SPOCK1: variants seen among roughly 807,000 people sequenced by gnomAD.
SPOCK1 encodes the protein SPARC (osteonectin), cwcv and kazal like domains proteoglycan 1, also known as testican-1.
A neutral mutation model predicts 55.3 loss-of-function variants in SPOCK1; 23 were observed. The ratio of observed to expected loss-of-function variants is 0.42; its 90% CI spans 0.30 to 0.59. SPOCK1 has a LOEUF of 0.59. Among genes scored for constraint, SPOCK1 ranks in the 20% least tolerant of loss-of-function variants. The pLI is 0.22. For missense variants in SPOCK1, 499 were observed against 552.5 expected (o/e 0.90, Z 0.97); for synonymous variants, 226 against 221.0 (o/e 1.02, Z -0.20).
intron 2 of SPOCK1, among the ~76,000 whole-genome samples, chr5:137,411,038 C>T (rs1277374268): frequency 6.6e-6 from 1 of 152,188 alleles, no homozygotes; most frequent in African/African-American, 2.4e-5. Context: ...CCAGTGGCAT[C>T]ATGGGTTCCA....
intron 3 of SPOCK1, among the ~76,000 whole-genome samples, chr5:137,242,073 T>G (rs1359108122): frequency 6.6e-6 from 1 of 152,158 alleles, no homozygotes; most frequent in Admixed American, 6.5e-5. Flanking sequence ...TATTTAACAC[T>G]AAAAAACCAT....
intron 9 of SPOCK1, among the ~76,000 whole-genome samples, chr5:136,982,710 A>G (rs1435561135): frequency 1.3e-5 from 2 of 151,884 alleles, no homozygotes; most frequent in East Asian, 3.9e-4. Flanking sequence ...CCATATAACT[A>G]TTTTTATTGG....
At chr5:137,065,765 T>C (rs1752496183) in intron 6 of SPOCK1, among the ~76,000 whole-genome samples, 1 of 152,238 alleles carries the variant, frequency 6.6e-6, no homozygotes, top group South Asian at 2.1e-4. Flanking sequence ...AAATGAAAGA[T>C]TTTTAAATGG....
At chr5:137,083,329 C>T (rs535606037) in intron 5 of SPOCK1, among the ~76,000 whole-genome samples, 7 of 152,302 alleles carry the variant, frequency 4.6e-5, no homozygotes, top group South Asian at 2.1e-4. Flanking sequence ...AGCAGAGTGG[C>T]GGAAGCAGAG....
At chr5:137,128,928 G>A (rs1753825661) in intron 4 of SPOCK1, among the ~76,000 whole-genome samples, 2 of 152,134 alleles carry the variant, frequency 1.3e-5, no homozygotes, top group Non-Finnish European at 2.9e-5. Context: ...AGCTCAATGA[G>A]GATATCGTTA....
intron 3 of SPOCK1, among the ~76,000 whole-genome samples, chr5:137,222,328 A>G (rs1162127385): frequency 6.6e-6 from 1 of 152,228 alleles, no homozygotes; most frequent in Admixed American, 6.5e-5. Context: ...TCTGTCACCA[A>G]ACAGTTCAGT....
At chr5:137,317,984 T>C (rs1014577074) in intron 2 of SPOCK1, among the ~76,000 whole-genome samples, 1 of 152,188 alleles carries the variant, frequency 6.6e-6, no homozygotes, top group African/African-American at 2.4e-5. Flanking sequence ...AACAAATACT[T>C]TTAATTTGAT....
chr5:137,005,158 A>G (rs17599641), intron 6 of SPOCK1, among the ~76,000 whole-genome samples: 5,028 of 152,286 alleles, frequency 0.033, 101 homozygotes, highest in Non-Finnish European at 0.047. Flanking sequence ...ATAGGACCAT[A>G]CAGAGGAGCC....
chr5:137,216,136 G>A (rs1391382646), intron 3 of SPOCK1, among the ~76,000 whole-genome samples: 1 of 152,190 alleles, frequency 6.6e-6, no homozygotes, highest in African/African-American at 2.4e-5. Flanking sequence ...GGGAAAGGGG[G>A]CACTGAGGTA....
chr5:137,166,509 CAG>C (rs1170883618), intron 3 of SPOCK1, among the ~76,000 whole-genome samples: 4 of 151,122 alleles, frequency 2.6e-5, no homozygotes, highest in Non-Finnish European at 5.9e-5. Context: ...GGTAAATATA[CAG>C]AAAAACACAG....
Position 136,988,555 on chromosome 5 carries a change from G to T in SPOCK1, c.795C>A (p.Asp265Glu). ...GGTAGATGGCATTGATCTCTGAAGG[G>T]TCAAGCAGGAGGTCATAGTTCATGT... ...KLDMNYDLLL[D>E]PSEINAIYLD... Residue 265 changes from aspartate to glutamate, a missense_variant, in exon 8 of 11, where the codon GAC becomes GAA. Asp to Glu is a conservative substitution (Grantham distance 45). Coordinates refer to ENST00000394945, the MANE Select transcript of SPOCK1 (RefSeq NM_004598.4). 3 of 1,614,142 alleles carry T rather than the reference G, an allele frequency of 1.9e-6. No individual in the cohort carries two copies. Among genetic ancestry groups the T allele is most frequent in the Non-Finnish European group, 2.5e-6 (3 of 1,180,010 alleles).
At chr5:137,135,282 C>T (rs551082466) in intron 4 of SPOCK1, among the ~76,000 whole-genome samples, 4 of 152,282 alleles carry the variant, frequency 2.6e-5, no homozygotes, top group African/African-American at 9.6e-5. Context: ...AATCAATGTT[C>T]AGCACTCTGT....
intron 2 of SPOCK1, among the ~76,000 whole-genome samples, chr5:137,315,474 T>C (rs1404561171): frequency 6.6e-6 from 1 of 152,200 alleles, no homozygotes; most frequent in Non-Finnish European, 1.5e-5. Flanking sequence ...TCCACTTTGA[T>C]ACATGAGAAG....
At chr5:137,111,092 C>G (rs1753461929) in intron 5 of SPOCK1, among the ~76,000 whole-genome samples, 2 of 152,100 alleles carry the variant, frequency 1.3e-5, no homozygotes, top group South Asian at 4.1e-4. Flanking sequence ...AAAGTGGTCA[C>G]AGCCTCTAAA....
At chr5:137,427,777 TG>T (rs1248840176) in intron 2 of SPOCK1, among the ~76,000 whole-genome samples, 1 of 151,740 alleles carries the variant, frequency 6.6e-6, no homozygotes, top group East Asian at 1.9e-4. Context: ...GGTGCTGTGG[TG>T]GGTGGCTGTA....
chr5:136,994,974 C>T (rs1689115577), intron 6 of SPOCK1, among the ~76,000 whole-genome samples: 1 of 151,978 alleles, frequency 6.6e-6, no homozygotes, highest in African/African-American at 2.4e-5. Flanking sequence ...CAGTACACTC[C>T]AGCCTGGGCA....
At chr5:137,184,362 G>T (rs1043406631) in intron 3 of SPOCK1, among the ~76,000 whole-genome samples, 2 of 152,148 alleles carry the variant, frequency 1.3e-5, no homozygotes, top group Admixed American at 6.5e-5. Flanking sequence ...GCCACAGGAA[G>T]CCTTCTCTCC....
intron 3 of SPOCK1, among the ~76,000 whole-genome samples, chr5:137,260,292 A>C (rs1433158916): frequency 1.3e-5 from 2 of 152,238 alleles, no homozygotes; most frequent in Non-Finnish European, 2.9e-5. Flanking sequence ...TGGAGTCAAG[A>C]GAAACATCCA....
intron 3 of SPOCK1, among the ~76,000 whole-genome samples, chr5:137,191,644 G>A (rs866049936): frequency 2.9e-4 from 44 of 152,140 alleles, no homozygotes; most frequent in African/African-American, 1.0e-3. Flanking sequence ...CAATATCAGT[G>A]GCCCATCAGG....
Sources: gnomAD v4.1 joint callset for allele counts (sites outside exome capture counted in the v4.1 genomes callset) on GRCh38, gnomAD v4.1.1 for gene constraint, MANE v1.5 for transcripts, NCBI Gene and HGNC (gene_info 2026-07-23, HGNC 2026-07-21) for gene names.